SV2C: variants seen among roughly 807,000 people sequenced by gnomAD.
The protein encoded by SV2C is synaptic vesicle glycoprotein 2C.
In SV2C, 49 loss-of-function variants were observed where a neutral mutation model predicts 79.7. That is an observed-to-expected ratio of 0.61 (90% CI 0.49 to 0.78). The LOEUF is 0.78. SV2C is among the 30% of genes least tolerant of loss of function. The pLI is 0.00. For missense variants in SV2C, 833 were observed against 912.9 expected (o/e 0.91, Z 1.13); for synonymous variants, 334 against 333.2 (o/e 1.00, Z -0.03).
chr5:75,912,090 G>A, the SV2C span, among the ~76,000 whole-genome samples: 5 of 152,076 alleles, frequency 3.3e-5, no homozygotes, highest in Non-Finnish European at 7.4e-5. Context: ...TTAGACTCAA[G>A]GAATACTTAA....
the SV2C span, among the ~76,000 whole-genome samples, chr5:75,987,424 A>G: frequency 1.3e-5 from 2 of 151,922 alleles, no homozygotes; most frequent in African/African-American, 2.4e-5. Context: ...TACAACATCT[A>G]TCTTGCAACT....
chr5:76,063,054 C>A, the SV2C span, among the ~76,000 whole-genome samples: 1 of 152,110 alleles, frequency 6.6e-6, no homozygotes, highest in Non-Finnish European at 1.5e-5. Context: ...AAACACTGTA[C>A]CTGGTCTATT....
At chr5:76,000,024 G>T in the SV2C span, among the ~76,000 whole-genome samples, 1 of 152,002 alleles carries the variant, frequency 6.6e-6, no homozygotes, top group Non-Finnish European at 1.5e-5. Context: ...ATAAATTTGC[G>T]AGGGGACACA....
intron 6 of SV2C, among the ~76,000 whole-genome samples, chr5:76,289,990 A>G (rs1580030581): frequency 6.6e-6 from 1 of 152,320 alleles, no homozygotes; most frequent in East Asian, 1.9e-4. Context: ...CATGGGTGCC[A>G]ATGAATAAAT....
chr5:75,976,387 T>C, the SV2C span, among the ~76,000 whole-genome samples: 7 of 152,240 alleles, frequency 4.6e-5, no homozygotes, highest in South Asian at 1.5e-3. Flanking sequence ...TTTCAGGCCT[T>C]AGAGCTGGTA....
At chr5:75,856,254 TAGG>T in the SV2C span, among the ~76,000 whole-genome samples, 1 of 152,212 alleles carries the variant, frequency 6.6e-6, no homozygotes, top group Non-Finnish European at 1.5e-5. Flanking sequence ...GCAACAGACA[TAGG>T]AGTGCAGAGA....
At chr5:76,065,303 T>C in the SV2C span, among the ~76,000 whole-genome samples, 5,553 of 152,312 alleles carry the variant, frequency 0.036, 351 homozygotes, top group African/African-American at 0.13. Context: ...ATATACATTT[T>C]TAAAGTAAAA....
intron 12 of SV2C, among the ~76,000 whole-genome samples, chr5:76,309,630 A>AAAAAAAAAAAAAAAAAAAAAC: frequency 7.6e-6 from 1 of 131,976 alleles, no homozygotes; most frequent in South Asian, 2.2e-4. Context: ...AAAAAACAGA[A>AAAAAAAAAAAAAAAAAAAAAC]AGAAAGAAAG....
At chr5:76,013,488 A>G in the SV2C span, among the ~76,000 whole-genome samples, 3 of 152,152 alleles carry the variant, frequency 2.0e-5, no homozygotes, top group Admixed American at 2.0e-4. Context: ...GTTGCTTATC[A>G]GCTTAAGGAG....
At chr5:75,938,957 C>A in the SV2C span, among the ~76,000 whole-genome samples, 68 of 152,166 alleles carry the variant, frequency 4.5e-4, no homozygotes, top group Non-Finnish European at 7.9e-4. Flanking sequence ...ACAACAATGG[C>A]AAAATGGTTC....
At chr5:76,271,220 C>T (rs893241988) in intron 4 of SV2C, among the ~76,000 whole-genome samples, 5 of 152,190 alleles carry the variant, frequency 3.3e-5, no homozygotes, top group African/African-American at 1.2e-4. Flanking sequence ...CTCAATCCCA[C>T]AGTTTGGGGC....
chr5:76,170,702 C>T (rs1743194573), intron 2 of SV2C, among the ~76,000 whole-genome samples: 1 of 149,978 alleles, frequency 6.7e-6, no homozygotes, highest in South Asian at 2.1e-4. Context: ...AGACATTATA[C>T]TGAAAGGACT....
At chr5:75,976,047 T>C in the SV2C span, among the ~76,000 whole-genome samples, 2 of 152,184 alleles carry the variant, frequency 1.3e-5, no homozygotes, top group Admixed American at 1.3e-4. Flanking sequence ...CAATGGCTCA[T>C]TTGAAGACTG....
chr5:76,193,207 T>A (rs772511212), intron 2 of SV2C, among the ~76,000 whole-genome samples: 21 of 152,194 alleles, frequency 1.4e-4, no homozygotes, highest in Non-Finnish European at 1.5e-5. Flanking sequence ...GATCCTATGA[T>A]CCCAGGAGGC....
chr5:76,108,036 C>T (rs903027033), intron 1 of SV2C, among the ~76,000 whole-genome samples: 2 of 152,090 alleles, frequency 1.3e-5, no homozygotes, highest in Non-Finnish European at 2.9e-5. Context: ...ACATTTTGTC[C>T]ATACAGCACA....
chr5:76,192,299 G>A (rs1339883320), intron 2 of SV2C, among the ~76,000 whole-genome samples: 1 of 152,126 alleles, frequency 6.6e-6, no homozygotes, highest in Non-Finnish European at 1.5e-5. Flanking sequence ...GGCAAGGGAG[G>A]GAGGGACTGG....
upstream of SV2C, chr5:76,082,530 T>C (rs1170276035): frequency 6.6e-6 from 1 of 151,126 alleles, no homozygotes; most frequent in Non-Finnish European, 1.5e-5. Flanking sequence ...CTCTCTCTCT[T>C]CTCTCCTCTC....
intron 6 of SV2C, among the ~76,000 whole-genome samples, chr5:76,289,956 A>G (rs1268221132): frequency 2.6e-5 from 4 of 152,196 alleles, no homozygotes; most frequent in Admixed American, 6.5e-5. Flanking sequence ...TTGGAGCCAC[A>G]TGGCTGCCTA....
At chr5:76,158,387 G>T (rs989525798) in intron 2 of SV2C, among the ~76,000 whole-genome samples, 1 of 150,856 alleles carries the variant, frequency 6.6e-6, no homozygotes, top group Non-Finnish European at 1.5e-5. Flanking sequence ...CCACAAGAAA[G>T]CTGGAGAGGC....
Sources: gnomAD v4.1 joint callset for allele counts (sites outside exome capture counted in the v4.1 genomes callset) on GRCh38, gnomAD v4.1.1 for gene constraint, MANE v1.5 for transcripts, NCBI Gene and HGNC (gene_info 2026-07-23, HGNC 2026-07-21) for gene names.